Variants in CNTNAP2 observed in about 807,000 individuals in gnomAD.
CNTNAP2 encodes contactin associated protein 2, also known as contactin-associated protein-like 2.
A neutral mutation model predicts 155.2 loss-of-function variants in CNTNAP2; 98 were observed. That is an observed-to-expected ratio of 0.63 (90% CI 0.54 to 0.75). The LOEUF is 0.75. Among genes scored for constraint, CNTNAP2 ranks in the 30% least tolerant of loss-of-function variants. CNTNAP2 has a pLI of 0.00. For missense variants in CNTNAP2, 1,727 were observed against 1,688.1 expected (o/e 1.02, Z -0.40); for synonymous variants, 651 against 631.2 (o/e 1.03, Z -0.47).
At chr7:146,957,463 G>A (rs1168455907) in intron 3 of CNTNAP2, among the ~76,000 whole-genome samples, 1 of 152,152 alleles carries the variant, frequency 6.6e-6, no homozygotes. Context: ...CACTCTGTGA[G>A]AATGTATCCT....
chr7:146,249,695 C>A (rs1041005846), intron 1 of CNTNAP2, among the ~76,000 whole-genome samples: 1 of 152,122 alleles, frequency 6.6e-6, no homozygotes, highest in African/African-American at 2.4e-5. Flanking sequence ...GAAAACTTGT[C>A]AGAATGCTAT....
chr7:146,238,037 T>C (rs1440683665), intron 1 of CNTNAP2, among the ~76,000 whole-genome samples: 1 of 152,340 alleles, frequency 6.6e-6, no homozygotes, highest in African/African-American at 2.4e-5. Context: ...TTATTTTCTA[T>C]GTAGACTCAC....
rs370570807 is a variant in CNTNAP2 at position 148,224,336 on chromosome 7, G to A, written c.3248-5310G>A. ...TGCTATTGGGTAAAGGAAAAACCGA[G>A]TAAACACTGAGGGGTGGAGAGAGAA... On this transcript the variant is annotated intron_variant, in intron 19 of 23. Transcript: ENST00000361727. Among the ~76,000 whole-genome samples the A allele has an allele frequency of 6.6e-5, 10 of 151,450 alleles. No homozygotes were observed. In the East Asian group the frequency reaches 1.5e-3, roughly 23 times the overall value.
chr7:148,081,802 A>G (rs1021938036), intron 15 of CNTNAP2, among the ~76,000 whole-genome samples: 1 of 152,086 alleles, frequency 6.6e-6, no homozygotes, highest in African/African-American at 2.4e-5. Flanking sequence ...TTTCCCGAGC[A>G]TATGATAAAT....
chr7:148,312,502 A>T (rs12536297), intron 21 of CNTNAP2, among the ~76,000 whole-genome samples: 2 of 152,092 alleles, frequency 1.3e-5, no homozygotes, highest in Admixed American at 1.3e-4. Context: ...GCTGGGATGA[A>T]GGGTGCAAAG....
chr7:148,299,306 AT>A (rs1259349091), intron 21 of CNTNAP2, among the ~76,000 whole-genome samples: 6 of 152,124 alleles, frequency 3.9e-5, no homozygotes, highest in Non-Finnish European at 5.9e-5. Context: ...TTTTAAAAAT[AT>A]TTTTTAAAGA....
intron 1 of CNTNAP2, among the ~76,000 whole-genome samples, chr7:146,394,180 C>T (rs1795586778): frequency 6.6e-6 from 1 of 151,928 alleles, no homozygotes; most frequent in African/African-American, 2.4e-5. Context: ...TGTAGATAAG[C>T]TTATCTGAAA....
chr7:147,041,636 G>A (rs1403668645), intron 3 of CNTNAP2, among the ~76,000 whole-genome samples: 1 of 152,140 alleles, frequency 6.6e-6, no homozygotes, highest in African/African-American at 2.4e-5. Flanking sequence ...GTTACGTAAT[G>A]CACTTCCATA....
At chr7:147,314,272 AG>A (rs1180715552) in intron 9 of CNTNAP2, among the ~76,000 whole-genome samples, 1 of 152,196 alleles carries the variant, frequency 6.6e-6, no homozygotes, top group Non-Finnish European at 1.5e-5. Flanking sequence ...CCGGGAATTT[AG>A]GCCAAAGACT....
chr7:146,482,334 T>C (rs1172880165), intron 1 of CNTNAP2, among the ~76,000 whole-genome samples: 1 of 151,680 alleles, frequency 6.6e-6, no homozygotes, highest in East Asian at 1.9e-4. Context: ...ATTTTGGATA[T>C]AGATGATTTT....
intron 1 of CNTNAP2, among the ~76,000 whole-genome samples, chr7:146,596,597 G>GACAGAC (rs565228864): frequency 7.8e-5 from 3 of 38,660 alleles, no homozygotes; most frequent in Non-Finnish European, 1.5e-4. Flanking sequence ...AAGGGAGACA[G>GACAGAC]AGAGAGAGAG....
intron 1 of CNTNAP2, among the ~76,000 whole-genome samples, chr7:146,147,062 C>T (rs1797967967): frequency 6.6e-6 from 1 of 152,120 alleles, no homozygotes; most frequent in South Asian, 2.1e-4. Context: ...TAATTTAAGA[C>T]AGATGATAAC....
chr7:147,748,330 G>GT (rs529618851), intron 13 of CNTNAP2, among the ~76,000 whole-genome samples: 66 of 150,296 alleles, frequency 4.4e-4, no homozygotes, highest in South Asian at 1.3e-3. Context: ...AGTTAAAATT[G>GT]TTTTTTTTTC....
intron 13 of CNTNAP2, among the ~76,000 whole-genome samples, chr7:147,852,609 A>G (rs1798967004): frequency 1.3e-5 from 2 of 152,212 alleles, no homozygotes; most frequent in South Asian, 2.1e-4. Flanking sequence ...TCTAGTTTTC[A>G]TTCATTGCAA....
intron 15 of CNTNAP2, among the ~76,000 whole-genome samples, chr7:148,076,285 G>C (rs941226645): frequency 6.6e-6 from 1 of 152,068 alleles, no homozygotes; most frequent in African/African-American, 2.4e-5. Context: ...TTGATATCTA[G>C]AGAGTAGAGG....
At chr7:148,041,986 T>C (rs1802686574) in intron 15 of CNTNAP2, among the ~76,000 whole-genome samples, 1 of 152,234 alleles carries the variant, frequency 6.6e-6, no homozygotes, top group Non-Finnish European at 1.5e-5. Flanking sequence ...GCATTACACC[T>C]TTGTCAAGCC....
chr7:146,333,220 C>G (rs1006889024), intron 1 of CNTNAP2, among the ~76,000 whole-genome samples: 3 of 152,120 alleles, frequency 2.0e-5, no homozygotes, highest in African/African-American at 7.2e-5. Context: ...GTTGGGATTA[C>G]TAGCATGAGC....
At chr7:148,082,278 C>A (rs1803624105) in intron 15 of CNTNAP2, among the ~76,000 whole-genome samples, 1 of 152,222 alleles carries the variant, frequency 6.6e-6, no homozygotes, top group Admixed American at 6.5e-5. Context: ...TAGAACAATA[C>A]TTGTATTTTG....
intron 12 of CNTNAP2, among the ~76,000 whole-genome samples, chr7:147,587,793 G>C (rs1324401002): frequency 6.6e-6 from 1 of 152,048 alleles, no homozygotes; most frequent in Non-Finnish European, 1.5e-5. Context: ...GAAGACCCTG[G>C]CATTTGTTTT....
Sources: allele counts gnomAD v4.1 joint callset (sites outside exome capture counted in the v4.1 genomes callset), GRCh38; gene constraint gnomAD v4.1.1; transcripts MANE v1.5; gene names NCBI Gene and HGNC (gene_info 2026-07-23, HGNC 2026-07-21).